The following CLPB variants were observed in gnomAD, a reference collection of about 807,000 sequenced individuals.
CLPB encodes ClpB family mitochondrial disaggregase.
CLPB carries 40 observed loss-of-function variants against 78.4 expected under a neutral mutation model. That is an observed-to-expected ratio of 0.51 (90% CI 0.40 to 0.66). The LOEUF is 0.66. CLPB is among the 30% of genes least tolerant of loss of function. CLPB has a pLI of 0.00. For missense variants in CLPB, 780 were observed against 886.9 expected, an observed-to-expected ratio of 0.88 and a Z score of 1.53; for synonymous variants, 333 against 348.0, an observed-to-expected ratio of 0.96 and a Z score of 0.48.
chr11:72,373,553 A>G (rs551014980), intron 4 of CLPB, among the ~76,000 whole-genome samples: 1 of 152,242 alleles, frequency 6.6e-6, no homozygotes, highest in East Asian at 1.9e-4. Flanking sequence ...TTCTCTCTAC[A>G]TTTATTCCAT....
At chr11:72,417,502 G>A (rs1222719127) in intron 2 of CLPB, among the ~76,000 whole-genome samples, 3 of 152,112 alleles carry the variant, frequency 2.0e-5, no homozygotes, top group Non-Finnish European at 4.4e-5. Flanking sequence ...GTGGGAGAGT[G>A]ATAGAACATT....
At chr11:72,342,118 G>C (rs886080042) in intron 5 of CLPB, among the ~76,000 whole-genome samples, 10 of 152,192 alleles carry the variant, frequency 6.6e-5, no homozygotes, top group African/African-American at 2.4e-4. Flanking sequence ...ATTCATCAAA[G>C]AGAACATGGA....
At chr11:72,311,343 A>G (rs1949843232) in intron 7 of CLPB, among the ~76,000 whole-genome samples, 1 of 152,190 alleles carries the variant, frequency 6.6e-6, no homozygotes, top group Non-Finnish European at 1.5e-5. Context: ...GTGGCCAGCA[A>G]ATGTATTTAC....
intron 5 of CLPB, among the ~76,000 whole-genome samples, chr11:72,333,799 C>T (rs1032563226): frequency 6.6e-6 from 1 of 152,178 alleles, no homozygotes; most frequent in Admixed American, 6.5e-5. Flanking sequence ...CAGCACTGAG[C>T]GGCTCTGCAA....
In CLPB at chr11:72,308,482, C is replaced by T. The variant is rs370767804; in HGVS notation, c.1066+45G>A. On this transcript the variant is annotated intron_variant, in intron 8 of 15. Transcript: ENST00000538039. Reference sequence around the variant, plus strand: ...GGGGCTGTCAGACTTGGGCCGGGCACTACCCTAGCTCTCTGTCCCCACTGG... The same window carrying T: ...GGGGCTGTCAGACTTGGGCCGGGCATTACCCTAGCTCTCTGTCCCCACTGG... 1.1e-4 allele frequency: 181 copies of T among 1,577,662 alleles called. No individual in the cohort carries two copies. The African/African-American group carries it at 2.3e-3, about 20-fold the overall frequency.
At chr11:72,425,254 CTAGT>C (rs1368970278) in intron 2 of CLPB, among the ~76,000 whole-genome samples, 1 of 152,194 alleles carries the variant, frequency 6.6e-6, no homozygotes, top group Non-Finnish European at 1.5e-5. Flanking sequence ...TATCTGACTC[CTAGT>C]TAGACTGTGC....
chr11:72,375,835 T>G lies in CLPB; in HGVS notation c.646+4446A>C, dbSNP rs140615771. On this transcript the variant is annotated intron_variant, in intron 4 of 15. Transcript: ENST00000538039. The stretch of plus-strand genomic sequence containing the variant: ...TGCATAAATGAAACTAATAAGCAAT[T>G]ACAACTGTAGAGCACTTTACAATCC... 1.1e-4 allele frequency among the ~76,000 whole-genome samples: 16 copies of G among 152,348 alleles called. No individual in the cohort carries two copies. The East Asian group carries it at 2.3e-3, about 22-fold the overall frequency.
At chr11:72,388,186 G>A (rs1855140773) in intron 3 of CLPB, among the ~76,000 whole-genome samples, 1 of 151,862 alleles carries the variant, frequency 6.6e-6, no homozygotes, top group Non-Finnish European at 1.5e-5. Context: ...AAACTTGGAG[G>A]CCAAAGAGGG....
At chr11:72,416,295 T>C (rs1322747561) in intron 2 of CLPB, among the ~76,000 whole-genome samples, 1 of 152,224 alleles carries the variant, frequency 6.6e-6, no homozygotes, top group Non-Finnish European at 1.5e-5. Context: ...CCACCTTGCC[T>C]GTGAAGCCCT....
chr11:72,382,654 T>C (rs998215881), intron 3 of CLPB, among the ~76,000 whole-genome samples: 2 of 152,180 alleles, frequency 1.3e-5, no homozygotes, highest in African/African-American at 4.8e-5. Context: ...AGCACCAAGA[T>C]CATTCATGAA....
At chr11:72,345,107 G>A (rs574427382) in intron 5 of CLPB, among the ~76,000 whole-genome samples, 3 of 152,250 alleles carry the variant, frequency 2.0e-5, no homozygotes, top group African/African-American at 7.2e-5. Context: ...CAACTCGTAC[G>A]GAGGAGAAGC....
chr11:72,425,943 G>A (rs1856363606), intron 2 of CLPB, among the ~76,000 whole-genome samples: 1 of 152,098 alleles, frequency 6.6e-6, no homozygotes, highest in African/African-American at 2.4e-5. Context: ...CTGTCTCACA[G>A]CACTGACCAC....
intron 5 of CLPB, among the ~76,000 whole-genome samples, chr11:72,352,145 T>A (rs1950625968): frequency 2.0e-5 from 3 of 152,196 alleles, no homozygotes; most frequent in Admixed American, 2.0e-4. Flanking sequence ...CACTCTTCTG[T>A]TTGGCTTGTG....
intron 6 of CLPB, among the ~76,000 whole-genome samples, chr11:72,323,811 CAATATT>C (rs1285718978): frequency 6.6e-6 from 1 of 151,894 alleles, no homozygotes; most frequent in African/African-American, 2.4e-5. Context: ...TAGTTAATAT[CAATATT>C]AATGCCCTGA....
intron 4 of CLPB, among the ~76,000 whole-genome samples, chr11:72,362,583 TACTG>T (rs1456755720): frequency 2.0e-5 from 3 of 152,204 alleles, no homozygotes; most frequent in African/African-American, 7.2e-5. Flanking sequence ...GCTCTGAACT[TACTG>T]ACTGTGTAAT....
intron 11 of CLPB, among the ~76,000 whole-genome samples, chr11:72,300,873 G>A (rs1452793594): frequency 6.6e-6 from 1 of 152,184 alleles, no homozygotes; most frequent in Non-Finnish European, 1.5e-5. Flanking sequence ...CAGGGCCCCT[G>A]AAAAGGTGGA....
chr11:72,414,939 T>C (rs1451115888), intron 2 of CLPB, among the ~76,000 whole-genome samples: 1 of 152,168 alleles, frequency 6.6e-6, no homozygotes, highest in Non-Finnish European at 1.5e-5. Context: ...AAGGCCAGGC[T>C]GGGAACGGTG....
chr11:72,321,519 G>A (rs1950043340), intron 6 of CLPB, among the ~76,000 whole-genome samples: 2 of 152,230 alleles, frequency 1.3e-5, no homozygotes, highest in South Asian at 2.1e-4. Context: ...CTGGGAGGCC[G>A]AGGCGAAGCC....
chr11:72,404,450 C>G (rs1354668617), intron 2 of CLPB, among the ~76,000 whole-genome samples: 1 of 152,206 alleles, frequency 6.6e-6, no homozygotes. Context: ...TAGCAGGTAA[C>G]TAAGGCTTGA....
Sources: allele counts gnomAD v4.1 joint callset (sites outside exome capture counted in the v4.1 genomes callset), GRCh38; gene constraint gnomAD v4.1.1; transcripts MANE v1.5; gene names NCBI Gene and HGNC (gene_info 2026-07-23, HGNC 2026-07-21).